The following CCDC69 variants were observed in gnomAD, a reference collection of about 807,000 sequenced individuals.
CCDC69 encodes the protein coiled-coil domain-containing protein 69.
CCDC69 carries 38 observed loss-of-function variants against 40.3 expected under a neutral mutation model. The ratio of observed to expected loss-of-function variants is 0.94; its 90% CI spans 0.73 to 1.24. The LOEUF (loss-of-function observed/expected upper bound fraction) is 1.24, where lower values mean the gene tolerates loss of function less well. Among genes scored for constraint, CCDC69 ranks in the 50% most tolerant of loss-of-function variants. CCDC69 has a pLI of 0.00. For synonymous variants in CCDC69, 141 were observed against 138.9 expected (o/e 1.02, Z -0.11); for missense variants, 389 against 357.9 (o/e 1.09, Z -0.70).
rs1363317643 is a variant in CCDC69 at position 151,211,585 on chromosome 5, C to T, written c.49-6110G>A. On this transcript the variant is annotated intron_variant, in intron 1 of 8. Coordinates refer to ENST00000355417, the MANE Select transcript of CCDC69 (RefSeq NM_015621.3). Reference sequence around the variant, plus strand: ...TTGCCCAGGCTGGAGTGCAGTGGCACGATCTTGGCTCAATTGCAACCTCTG... The same window carrying T: ...TTGCCCAGGCTGGAGTGCAGTGGCATGATCTTGGCTCAATTGCAACCTCTG... Among the ~76,000 whole-genome samples, 11 of 145,018 alleles carry T rather than the reference C, an allele frequency of 7.6e-5. No homozygotes were observed. The East Asian group carries it at 1.8e-3, about 23-fold the overall frequency.
At chr5:151,211,518 C>CTTTTTTTTTT (rs774546814) in intron 1 of CCDC69, among the ~76,000 whole-genome samples, 2 of 108,768 alleles carry the variant, frequency 1.8e-5, no homozygotes, top group Admixed American at 9.6e-5. Flanking sequence ...TTTGCATCTG[C>CTTTTTTTTTT]TTTTTTTTTT....
At chr5:151,201,206 C>T (rs1212978028) in intron 3 of CCDC69, among the ~76,000 whole-genome samples, 1 of 152,180 alleles carries the variant, frequency 6.6e-6, no homozygotes, top group African/African-American at 2.4e-5. Flanking sequence ...GAACTGGCAA[C>T]TAAATGCTTG....
chr5:151,217,476 C>G (rs578193542), intron 1 of CCDC69, among the ~76,000 whole-genome samples: 1 of 152,346 alleles, frequency 6.6e-6, no homozygotes, highest in South Asian at 2.1e-4. Context: ...GCTGCTGTAA[C>G]AAATTACCAC....
intron 3 of CCDC69, among the ~76,000 whole-genome samples, chr5:151,200,264 A>G (rs957873916): frequency 3.3e-5 from 5 of 151,544 alleles, no homozygotes; most frequent in African/African-American, 1.2e-4. Context: ...TCAGCTTCCC[A>G]AGTAGCTGGG....
intron 2 of CCDC69, among the ~76,000 whole-genome samples, chr5:151,202,735 GC>G (rs1752792645): frequency 6.6e-6 from 1 of 152,138 alleles, no homozygotes. Context: ...AGGAAGTCTA[GC>G]CCCTGCTTCG....
chr5:151,187,036 GA>G (rs1244597760), intron 5 of CCDC69, among the ~76,000 whole-genome samples: 4 of 151,992 alleles, frequency 2.6e-5, no homozygotes, highest in African/African-American at 7.3e-5. Flanking sequence ...CTCCCTCTAG[GA>G]AATCTTTCCT....
chr5:151,199,130 G>C, intron 3 of CCDC69, 46 bp from the exon 4 acceptor site: 3 of 1,488,290 alleles, frequency 2.0e-6, no homozygotes, highest in Non-Finnish European at 2.8e-6. Context: ...AGCAGGATCA[G>C]CACAGCATCT....
intron 5 of CCDC69, among the ~76,000 whole-genome samples, chr5:151,186,389 G>A (rs544701287): frequency 3.5e-5 from 5 of 144,718 alleles, no homozygotes; most frequent in South Asian, 4.7e-4. Flanking sequence ...GGAGGGGGAC[G>A]GGAGGGGGAG....
intron 5 of CCDC69, 37 bp from the exon 6 acceptor site, chr5:151,186,161 G>T: frequency 6.9e-7 from 1 of 1,439,544 alleles, no homozygotes; most frequent in Non-Finnish European, 9.8e-7. Context: ...ATCAAAGCCT[G>T]CCTCATAAAT....
At chr5:151,195,997 C>T (rs1438987986) in intron 4 of CCDC69, among the ~76,000 whole-genome samples, 1 of 152,154 alleles carries the variant, frequency 6.6e-6, no homozygotes, top group East Asian at 1.9e-4. Context: ...GGTCTAGACT[C>T]ACAAGAAATA....
In CCDC69 at chr5:151,200,191, T is replaced by A. The variant is rs143341341; in HGVS notation, c.232-1107A>T. On this transcript the variant is annotated intron_variant, in intron 3 of 8. Coordinates refer to ENST00000355417, the MANE Select transcript of CCDC69 (RefSeq NM_015621.3). ...TCTTGCTCTGCCACCCAGGCAAGAG[T>A]GCAGTGGTGAGATCTCAGCTCACTG... is the stretch of plus-strand genomic sequence containing the variant. 8.9e-4 allele frequency among the ~76,000 whole-genome samples: 135 copies of A among 151,726 alleles called. 1 individual carries two copies. The highest frequency in any genetic ancestry group is 3.1e-3 in the African/African-American group (129 of 41,346).
intron 4 of CCDC69, among the ~76,000 whole-genome samples, chr5:151,190,857 A>G (rs1752600000): frequency 6.6e-6 from 1 of 152,096 alleles, no homozygotes; most frequent in Non-Finnish European, 1.5e-5. Context: ...ATCAGCGAGA[A>G]CAAACAGAAA....
chr5:151,197,229 T>C (rs1332913655), intron 4 of CCDC69, among the ~76,000 whole-genome samples: 1 of 152,142 alleles, frequency 6.6e-6, no homozygotes, highest in Non-Finnish European at 1.5e-5. Context: ...AGTGGTAAGA[T>C]AAGAAGTGAC....
At chr5:151,196,857 C>G (rs779093682) in intron 4 of CCDC69, among the ~76,000 whole-genome samples, 1 of 152,186 alleles carries the variant, frequency 6.6e-6, no homozygotes, top group Non-Finnish European at 1.5e-5. Context: ...TATGACCCAG[C>G]AATTCTCCTG....
chr5:151,199,041 T>C lies in CCDC69; in HGVS notation c.275A>G (p.Glu92Gly). The change falls in exon 4 of 9, where the codon GAG (glutamate) becomes GGG (glycine). Residue 92 changes from glutamate to glycine, a missense_variant. By Grantham distance (98) the Glu-to-Gly change is moderately conservative. Transcript: ENST00000355417. ...RELELRDRLD[E>G]QQRVLEGKNE... ...CTTTCCTTCCAGGACCCTTTGCTGC[T>C]CATCCAGTCTGTCTCGAAGCTCTAG... 6.2e-7 allele frequency: 1 copy of C among 1,614,174 alleles called. No homozygotes were observed. The highest frequency in any genetic ancestry group is 8.5e-7 in the Non-Finnish European group (1 of 1,180,014).
chr5:151,203,825 G>GTA (rs1331036474), intron 2 of CCDC69, among the ~76,000 whole-genome samples: 1 of 115,832 alleles, frequency 8.6e-6, no homozygotes, highest in African/African-American at 4.1e-5. Flanking sequence ...CGTATATATA[G>GTA]TATATATATA....
chr5:151,211,191 G>C (rs1752941869), intron 1 of CCDC69: 1 of 152,266 alleles, frequency 6.6e-6, no homozygotes, highest in Admixed American at 6.5e-5. Context: ...GGGCCCCCAG[G>C]CTCAGTGCAC....
At chr5:151,195,396 C>A (rs1023210468) in intron 4 of CCDC69, among the ~76,000 whole-genome samples, 1 of 152,072 alleles carries the variant, frequency 6.6e-6, no homozygotes, top group Non-Finnish European at 1.5e-5. Context: ...TGAGTGATAG[C>A]CCCAGTTCAA....
chr5:151,186,195 C>T (rs1330228574), intron 5 of CCDC69, 71 bp from the exon 6 acceptor site: 1 of 1,048,396 alleles, frequency 9.5e-7, no homozygotes, highest in Non-Finnish European at 1.5e-6. Flanking sequence ...TTCGCCACAT[C>T]CCAGAGGGAG....
Sources: allele counts gnomAD v4.1 joint callset (sites outside exome capture counted in the v4.1 genomes callset), GRCh38; gene constraint gnomAD v4.1.1; transcripts MANE v1.5; gene names NCBI Gene and HGNC (gene_info 2026-07-23, HGNC 2026-07-21).